Variants in PCDHA2 observed in about 807,000 individuals in gnomAD.
PCDHA2 encodes protocadherin alpha 2.
A neutral mutation model predicts 66.0 loss-of-function variants in PCDHA2; 58 were observed. That is an observed-to-expected ratio of 0.88 (90% confidence interval 0.71 to 1.09). PCDHA2 has a LOEUF of 1.09. Among genes scored for constraint, PCDHA2 ranks in the 50% least tolerant of loss-of-function variants. The probability of loss-of-function intolerance (pLI) is 0.00; values close to 1 mark genes in which losing one functional copy is unlikely to be tolerated. For missense variants in PCDHA2, 1,267 were observed against 1,242.3 expected (o/e 1.02, Z -0.30); for synonymous variants, 634 against 554.0 (o/e 1.14, Z -2.03).
chr5:140,972,905 A>C (rs1188926107), intron 1 of PCDHA2, among the ~76,000 whole-genome samples: 18 of 151,782 alleles, frequency 1.2e-4, no homozygotes, highest in African/African-American at 4.4e-4. Flanking sequence ...CTTGTGATCC[A>C]CCCGCCTTGG....
chr5:140,946,997 C>A (rs2094069050), intron 1 of PCDHA2, among the ~76,000 whole-genome samples: 1 of 151,382 alleles, frequency 6.6e-6, no homozygotes. Context: ...GTTCTAACTT[C>A]AAAGAAATGA....
At position 140,967,262 on chromosome 5, in the gene PCDHA2, C is replaced by T; in HGVS notation, c.2389-11687C>T. ...AAGCGAATCGGTGGCGCCTGGAGCG[C>T]GCTTTCACATAGAGAGTGCGCAGGA... On this transcript the variant is annotated intron_variant, in intron 1 of 3. Transcript: ENST00000526136. The T allele has an allele frequency of 1.9e-6, 3 of 1,613,522 alleles. No homozygotes were observed. In the South Asian group the frequency reaches 3.3e-5, roughly 18 times the overall value.
intron 1 of PCDHA2, chr5:140,830,578 T>C: frequency 1.2e-6 from 1 of 823,976 alleles, no homozygotes; most frequent in Non-Finnish European, 1.7e-6. Flanking sequence ...TTTTTAATTT[T>C]TAATTAATTT....
chr5:140,834,580 C>A lies in PCDHA2; in HGVS notation c.2388+37228C>A, dbSNP rs782011323. 9 of 1,613,900 alleles carry A rather than the reference C, an allele frequency of 5.6e-6. No homozygotes were observed. The Admixed American group carries it at 8.3e-5, about 15-fold the overall frequency. Reference sequence around the variant, plus strand: ...GAGCTGGTGCCGCGCCTGTTCCGGGCGGTGTGCAAATTCCGTGGGGATCTT... The same window carrying A: ...GAGCTGGTGCCGCGCCTGTTCCGGGAGGTGTGCAAATTCCGTGGGGATCTT... On this transcript the variant is annotated intron_variant, in intron 1 of 3. Coordinates refer to ENST00000526136, the MANE Select transcript of PCDHA2 (RefSeq NM_018905.3).
chr5:141,009,772 C>T lies in PCDHA2; in HGVS notation c.2682C>T (p.Ile894=). The T allele has an allele frequency of 1.9e-6, 3 of 1,614,158 alleles. No individual in the cohort carries two copies. Among genetic ancestry groups the T allele is most frequent in the Non-Finnish European group, 2.5e-6 (3 of 1,180,032 alleles). The stretch of plus-strand genomic sequence containing the variant: ...TCATTATCCCAGGATCTCCTGCAAT[C>T]ATCTCCATCCGGCAGGAGCCTACTA... ...DKFIIPGSPA[I]ISIRQEPTNS... Residue 894 remains isoleucine (I), a synonymous_variant, in exon 4 of 4, where the codon ATC becomes ATT. Coordinates refer to ENST00000526136, the MANE Select transcript of PCDHA2 (RefSeq NM_018905.3).
intron 1 of PCDHA2, chr5:140,834,744 G>A (rs1554134479): frequency 2.5e-6 from 4 of 1,614,214 alleles, no homozygotes; most frequent in Non-Finnish European, 3.4e-6. Flanking sequence ...CCATGTGGAC[G>A]TGGAGGTGAA....
chr5:140,966,373 T>G (rs1554228235), intron 1 of PCDHA2: 1 of 404,624 alleles, frequency 2.5e-6, no homozygotes, highest in African/African-American at 2.1e-5. Flanking sequence ...GGCTGAGCAG[T>G]CCGGGTTCGC....
At chr5:140,900,713 G>A (rs1367112592) in intron 1 of PCDHA2, among the ~76,000 whole-genome samples, 1 of 152,194 alleles carries the variant, frequency 6.6e-6, no homozygotes, top group Non-Finnish European at 1.5e-5. Context: ...TGGAAAGAAA[G>A]GAAATCCTAC....
At chr5:140,808,266 G>T (rs1764134121) in intron 1 of PCDHA2, 1 of 1,614,128 alleles carries the variant, frequency 6.2e-7, no homozygotes, top group Non-Finnish European at 8.5e-7. Flanking sequence ...CTTCCAATTA[G>T]AGAGGACGCT....
intron 1 of PCDHA2, among the ~76,000 whole-genome samples, chr5:140,954,085 C>G (rs1477637836): frequency 1.3e-5 from 2 of 152,142 alleles, no homozygotes; most frequent in African/African-American, 4.8e-5. Context: ...GCTTCCAGCT[C>G]CATCCATGTC....
At chr5:140,884,329 G>T (rs782258780) in intron 1 of PCDHA2, 1 of 1,613,760 alleles carries the variant, frequency 6.2e-7, no homozygotes, top group Non-Finnish European at 8.5e-7. Flanking sequence ...CAGGCGCTGT[G>T]GGTCCAGAAG....
intron 1 of PCDHA2, among the ~76,000 whole-genome samples, chr5:140,897,022 A>G (rs1009125089): frequency 2.6e-5 from 4 of 152,142 alleles, no homozygotes; most frequent in Non-Finnish European, 2.9e-5. Flanking sequence ...CAACTAAATT[A>G]TTTAGACCAT....
Position 140,795,834 on chromosome 5 carries a change from G to T in PCDHA2, c.870G>T (p.Gln290His), listed in dbSNP as rs782292458. Residue 290 changes from glutamine to histidine, a missense_variant, in exon 1 of 4, where the codon CAG becomes CAT. Physicochemically the swap from Gln to His is conservative, Grantham distance 24. Transcript: ENST00000526136. ...GTAGTGATGTGTCCTCCACTATACA[G>T]ACTAAGTTTACCATAGATCCCATCT... is the stretch of plus-strand genomic sequence containing the variant. ...SLGSDVSSTIQTKFTIDPISG... is the reference protein window; with the variant it reads ...SLGSDVSSTIHTKFTIDPISG... 9.3e-6 allele frequency: 15 copies of T among 1,613,882 alleles called. No individual in the cohort carries two copies. The highest frequency in any genetic ancestry group is 1.2e-5 in the Non-Finnish European group (14 of 1,179,984).
chr5:140,828,406 C>T lies in PCDHA2; in HGVS notation c.2388+31054C>T, dbSNP rs1426756496. On this transcript the variant is annotated intron_variant, in intron 1 of 3. Coordinates refer to ENST00000526136, the MANE Select transcript of PCDHA2 (RefSeq NM_018905.3). ...GGCGGAGCGCGGAGTGCAGCATCCA[C>T]CTGGAGGTGATCGTGGACAGGCCGC... The T allele has an allele frequency of 3.1e-6, 5 of 1,614,244 alleles. No individual in the cohort carries two copies. In the Admixed American group the frequency reaches 5.0e-5, roughly 16 times the overall value.
Position 140,873,721 on chromosome 5 carries a change from C to T in PCDHA2, c.2388+76369C>T, listed in dbSNP as rs556752313. On this transcript the variant is annotated intron_variant, in intron 1 of 3. Coordinates refer to ENST00000526136, the MANE Select transcript of PCDHA2 (RefSeq NM_018905.3). ...TATCACCCAGGCTGGTGTGCAGTGG[C>T]GCAATCTCAGCTCACTGCAATCTCC... Among the ~76,000 whole-genome samples, 8 of 152,254 alleles carry T rather than the reference C, an allele frequency of 5.3e-5. No individual in the cohort carries two copies. In the South Asian group the frequency reaches 1.0e-3, roughly 20 times the overall value.
In PCDHA2 at chr5:140,795,169, A is replaced by G. The variant is rs1292084700; in HGVS notation, c.205A>G (p.Lys69Glu). ...LVPRLFRVAS[K>E]RHGDLLEVNL... ...GCCGCGCCTGTTCCGGGTGGCGTCC[A>G]AAAGACACGGGGACCTTCTGGAGGT... is the stretch of plus-strand genomic sequence containing the variant. Residue 69 changes from lysine (K) to glutamate (E), a missense_variant, in exon 1 of 4, where the codon AAA (lysine) becomes GAA (glutamate). Coordinates refer to ENST00000526136, the MANE Select transcript of PCDHA2 (RefSeq NM_018905.3). 5.0e-6 allele frequency: 8 copies of G among 1,614,032 alleles called. No homozygotes were observed. The highest frequency in any genetic ancestry group is 6.8e-6 in the Non-Finnish European group (8 of 1,180,018).
At chr5:140,875,516 T>G in intron 1 of PCDHA2, 1 of 1,613,976 alleles carries the variant, frequency 6.2e-7, no homozygotes, top group Non-Finnish European at 8.5e-7. Context: ...CAGCGTCTGC[T>G]GCTCTCGCTT....
intron 1 of PCDHA2, among the ~76,000 whole-genome samples, chr5:140,839,640 TC>T (rs1776343463): frequency 6.6e-6 from 1 of 152,096 alleles, no homozygotes; most frequent in Admixed American, 6.5e-5. Flanking sequence ...AATACTATTT[TC>T]TTTACAAATT....
chr5:140,885,727 A>G (rs539866953), intron 1 of PCDHA2, among the ~76,000 whole-genome samples: 1 of 152,308 alleles, frequency 6.6e-6, no homozygotes, highest in South Asian at 2.1e-4. Context: ...TCTCTGTGAA[A>G]TGATATTTCA....
Sources: allele counts gnomAD v4.1 joint callset (sites outside exome capture counted in the v4.1 genomes callset), GRCh38; gene constraint gnomAD v4.1.1; transcripts MANE v1.5; gene names NCBI Gene and HGNC (gene_info 2026-07-23, HGNC 2026-07-21).